Variants in PCDHGB7 observed in about 807,000 individuals in gnomAD.
PCDHGB7 encodes protocadherin gamma subfamily B, 7.
A neutral mutation model predicts 61.4 loss-of-function variants in PCDHGB7; 37 were observed. The observed-to-expected ratio is 0.60, with a 90% CI of 0.46 to 0.79. The LOEUF is 0.79. Ranked by LOEUF, PCDHGB7 falls within the 30% of genes least tolerant of loss-of-function variation. The pLI is 0.00. For synonymous variants in PCDHGB7, 464 were observed against 503.5 expected, an observed-to-expected ratio of 0.92 and a Z score of 1.05; for missense variants, 1,166 against 1,202.5, an observed-to-expected ratio of 0.97 and a Z score of 0.45.
At chr5:141,457,356 C>G (rs2098917888) in intron 1 of PCDHGB7, among the ~76,000 whole-genome samples, 1 of 152,170 alleles carries the variant, frequency 6.6e-6, no homozygotes, top group South Asian at 2.1e-4. Context: ...TTACCTGGCA[C>G]AATTTGCAAA....
intron 1 of PCDHGB7, among the ~76,000 whole-genome samples, chr5:141,444,771 T>C (rs987549188): frequency 6.6e-6 from 1 of 152,246 alleles, no homozygotes; most frequent in African/African-American, 2.4e-5. Context: ...TTCTATATTC[T>C]TGATCATGTT....
chr5:141,428,436 A>G (rs922762798), intron 1 of PCDHGB7: 5 of 401,736 alleles, frequency 1.2e-5, no homozygotes, highest in Non-Finnish European at 2.3e-5. Flanking sequence ...CTAAGACTAG[A>G]CCAGGGGTTT....
intron 1 of PCDHGB7, among the ~76,000 whole-genome samples, chr5:141,436,383 G>C (rs1374382672): frequency 6.6e-6 from 1 of 152,104 alleles, no homozygotes; most frequent in Admixed American, 6.5e-5. Context: ...AGCTGAATAG[G>C]CTTTATTAAA....
At chr5:141,422,328 T>C (rs1561800810) in intron 1 of PCDHGB7, 4 of 1,548,502 alleles carry the variant, frequency 2.6e-6, no homozygotes, top group Non-Finnish European at 2.6e-6. Flanking sequence ...GTACAGTGAT[T>C]GCTCTTCTAA....
Position 141,487,856 on chromosome 5 carries a change from T to C in PCDHGB7, c.2416-6951T>C. The C allele has an allele frequency of 2.0e-6, 2 of 977,364 alleles. No homozygotes were observed. The highest frequency in any genetic ancestry group is 3.0e-6 in the Non-Finnish European group (2 of 671,858). 60.5% of individuals were successfully genotyped at this position (977,364 alleles called of 1,614,324 possible). A position where few individuals can be genotyped will look rare whatever the true frequency, so the allele number is the denominator to read the frequency against. Reference sequence around the variant, plus strand: ...ATATCTGAGTAAGAAATGAAAGTAATTGGTGATCAAGAGCCAGGCTGTTGT... The same window carrying C: ...ATATCTGAGTAAGAAATGAAAGTAACTGGTGATCAAGAGCCAGGCTGTTGT... On this transcript the variant is annotated intron_variant, in intron 1 of 3. Transcript: ENST00000398594. The surrounding 1 kb of genome is among the most constrained non-coding windows in gnomAD (Gnocchi z 5.0).
At chr5:141,428,552 T>TC in intron 1 of PCDHGB7, 2 of 244,422 alleles carry the variant, frequency 8.2e-6, no homozygotes, top group African/African-American at 2.2e-5. Context: ...CCAGAAACAG[T>TC]CCCCCCACAA....
At chr5:141,503,309 A>G (rs2099819130) in intron 2 of PCDHGB7, among the ~76,000 whole-genome samples, 1 of 152,034 alleles carries the variant, frequency 6.6e-6, no homozygotes, top group Non-Finnish European at 1.5e-5. Flanking sequence ...TCAAGAAAGA[A>G]TTGTTGGAGG....
At chr5:141,421,535 G>GT (rs975619932) in intron 1 of PCDHGB7, 8 of 1,614,032 alleles carry the variant, frequency 5.0e-6, no homozygotes, top group Non-Finnish European at 6.8e-6. Flanking sequence ...GTGTCCTCCT[G>GT]TTTTTTAAAT....
intron 1 of PCDHGB7, chr5:141,428,078 C>A (rs747287202): frequency 1.2e-6 from 2 of 1,609,216 alleles, no homozygotes; most frequent in Admixed American, 3.3e-5. Flanking sequence ...ATTCGGGACA[C>A]AACGCTTGGC....
At position 141,511,227 on chromosome 5, in the gene PCDHGB7, TCTC is replaced by T. The variant is rs2099883680; in HGVS notation, c.*57_*59del. 2 of 1,599,470 alleles carry T rather than the reference TCTC, an allele frequency of 1.3e-6. No homozygotes were observed. Among genetic ancestry groups the T allele is most frequent in the Non-Finnish European group, 1.7e-6 (2 of 1,173,054 alleles). ...CGGCCTCTCCCCAACCAGCCCAGCTTCTCCTTACCTGCACCCAGGCCTCAGAGT... is the reference window on the plus strand; with the variant it reads ...CGGCCTCTCCCCAACCAGCCCAGCTTCTTACCTGCACCCAGGCCTCAGAGT... On this transcript the variant is annotated 3_prime_UTR_variant, in exon 4 of 4. Transcript: ENST00000398594.
At chr5:141,441,736 T>C in intron 1 of PCDHGB7, 1 of 365,328 alleles carries the variant, frequency 2.7e-6, no homozygotes. Flanking sequence ...CAGGACTAGC[T>C]CGCGCTCGGC....
rs146235929 is a variant in PCDHGB7 at position 141,511,610 on chromosome 5, C to A, written c.*437C>A. On this transcript the variant is annotated 3_prime_UTR_variant, in exon 4 of 4. Transcript: ENST00000398594. ...GAAGTACCAAGTAACCTACAAGCCT[C>A]CTAGTTCTGAAAAGTTGGAAGGGCA... 1.0e-3 allele frequency: 247 copies of A among 237,682 alleles called. 1 individual carries two copies. The highest frequency in any genetic ancestry group is 5.2e-3 in the African/African-American group (235 of 45,400). The allele number at this position is 237,682 out of a possible 1,614,324, so 14.7% of individuals were successfully genotyped here. A position where few individuals can be genotyped will look rare whatever the true frequency, so the allele number is the denominator to read the frequency against.
Position 141,432,530 on chromosome 5 carries a change from G to C in PCDHGB7, c.2415+12256G>C. On this transcript the variant is annotated intron_variant, in intron 1 of 3. Transcript: ENST00000398594. This position sits in a 1 kb window ranked among gnomAD's most constrained non-coding sequence, Gnocchi z 6.0. ...AGAGCCCGGCTACCTGGTGACCAAG[G>C]TGGTGGCGGTGGACAGAGACTCCGG... 6.2e-7 allele frequency: 1 copy of C among 1,614,076 alleles called. No homozygotes were observed. Among genetic ancestry groups the C allele is most frequent in the South Asian group, 1.1e-5 (1 of 91,082 alleles).
chr5:141,476,587 G>A lies in PCDHGB7; in HGVS notation c.2416-18220G>A. ...CTCCGGGGACGCGCTTTCCGCTCGA[G>A]AGCGCGCACGATCCCGATGTGGGAA... On this transcript the variant is annotated intron_variant, in intron 1 of 3. Coordinates refer to ENST00000398594, the MANE Select transcript of PCDHGB7 (RefSeq NM_018927.4). The surrounding 1 kb of genome is among the most constrained non-coding windows in gnomAD (Gnocchi z 7.6). 6.2e-7 allele frequency: 1 copy of A among 1,614,234 alleles called. No homozygotes were observed. The highest frequency in any genetic ancestry group is 1.1e-5 in the South Asian group (1 of 91,086).
At chr5:141,478,283 T>C (rs755297808) in intron 1 of PCDHGB7, 2 of 1,614,148 alleles carry the variant, frequency 1.2e-6, no homozygotes, top group South Asian at 2.2e-5. Context: ...GTGGAAGCAG[T>C]CTAGAGACCT....
intron 2 of PCDHGB7, among the ~76,000 whole-genome samples, chr5:141,495,922 C>G (rs1263216717): frequency 6.6e-6 from 1 of 152,100 alleles, no homozygotes; most frequent in Non-Finnish European, 1.5e-5. Context: ...CTTTCTTTGT[C>G]TCTGTCTCTG....
chr5:141,492,492 G>A (rs896538392), intron 1 of PCDHGB7, among the ~76,000 whole-genome samples: 2 of 152,206 alleles, frequency 1.3e-5, no homozygotes, highest in African/African-American at 2.4e-5. Context: ...AGGACCAGGC[G>A]AGGACTCCGG....
Position 141,431,010 on chromosome 5 carries a change from T to G in PCDHGB7, c.2415+10736T>G. 2 of 1,613,972 alleles carry G rather than the reference T, an allele frequency of 1.2e-6. No individual in the cohort carries two copies. The highest frequency in any genetic ancestry group is 1.7e-6 in the Non-Finnish European group (2 of 1,179,964). The stretch of plus-strand genomic sequence containing the variant: ...GCCCTGAATCCGCGCAGCGGCAGCT[T>G]GGTCACGGCGGGCAGGATAGACCGG... On this transcript the variant is annotated intron_variant, in intron 1 of 3. Transcript: ENST00000398594. The surrounding 1 kb of genome is among the most constrained non-coding windows in gnomAD (Gnocchi z 4.8).
intron 1 of PCDHGB7, among the ~76,000 whole-genome samples, chr5:141,450,815 A>ATTATTAT (rs1554136868): frequency 7.9e-6 from 1 of 126,684 alleles, no homozygotes; most frequent in African/African-American, 3.3e-5. Context: ...TATTTATTTA[A>ATTATTAT]TATTATTATT....
Sources: allele counts gnomAD v4.1 joint callset (sites outside exome capture counted in the v4.1 genomes callset), GRCh38; gene constraint gnomAD v4.1.1; non-coding constraint Gnocchi (gnomAD v3.1); transcripts MANE v1.5; gene names NCBI Gene and HGNC (gene_info 2026-07-23, HGNC 2026-07-21).